The following GFRAL variants were observed in gnomAD, a reference collection of about 807,000 sequenced individuals.
GFRAL encodes the protein GDNF family receptor alpha like, also known as GDNF family receptor alpha-like.
GFRAL carries 36 observed loss-of-function variants against 45.4 expected under a neutral mutation model. The observed-to-expected ratio is 0.79, with a 90% CI of 0.61 to 1.05. The LOEUF (loss-of-function observed/expected upper bound fraction) is 1.05. GFRAL is among the 50% of genes least tolerant of loss of function. GFRAL has a pLI of 0.00. For synonymous variants in GFRAL, 166 were observed against 154.1 expected (o/e 1.08, Z -0.57); for missense variants, 507 against 467.5 (o/e 1.08, Z -0.78).
intron 6 of GFRAL, among the ~76,000 whole-genome samples, chr6:55,367,964 A>T (rs1404252378): frequency 6.9e-6 from 1 of 144,634 alleles, no homozygotes; most frequent in Non-Finnish European, 1.5e-5. Context: ...CGTTCTCTGT[A>T]TTTCCTGAAT....
Position 55,329,041 on chromosome 6 carries a change from T to G in GFRAL, c.22+1465T>G, listed in dbSNP as rs143926252. Among the ~76,000 whole-genome samples the G allele has an allele frequency of 9.2e-5, 14 of 152,198 alleles. No homozygotes were observed. In the East Asian group the frequency reaches 2.7e-3, roughly 29 times the overall value. On this transcript the variant is annotated intron_variant, in intron 1 of 8. Transcript: ENST00000340465. ...ATATAATTTGCAGCATTATCCATCT[T>G]ATTAATTTAAAAATAGAAGTTATTT...
intron 5 of GFRAL, among the ~76,000 whole-genome samples, chr6:55,352,758 T>C (rs1305792303): frequency 6.6e-6 from 1 of 152,042 alleles, no homozygotes; most frequent in Non-Finnish European, 1.5e-5. Context: ...ATGTATGCTA[T>C]GACCATAGAA....
At chr6:55,330,771 A>G in intron 1 of GFRAL, among the ~76,000 whole-genome samples, 1 of 152,138 alleles carries the variant, frequency 6.6e-6, no homozygotes, top group Non-Finnish European at 1.5e-5. Context: ...CATCAGGTAG[A>G]TTAGGGGTTA....
intron 1 of GFRAL, among the ~76,000 whole-genome samples, chr6:55,330,940 G>C (rs1289129147): frequency 2.0e-5 from 3 of 152,224 alleles, no homozygotes; most frequent in African/African-American, 7.2e-5. Flanking sequence ...ACAAAACCAA[G>C]ATTTCTAGTT....
intron 3 of GFRAL, among the ~76,000 whole-genome samples, chr6:55,344,259 C>A (rs934286319): frequency 3.3e-5 from 5 of 152,186 alleles, no homozygotes; most frequent in Admixed American, 2.6e-4. Context: ...AGACCAATAT[C>A]CCTGATGAAC....
chr6:55,371,836 A>C (rs1260944615), intron 6 of GFRAL, among the ~76,000 whole-genome samples: 1 of 152,220 alleles, frequency 6.6e-6, no homozygotes, highest in African/African-American at 2.4e-5. Context: ...CTATTTGTAC[A>C]AAAAGGAAAA....
At chr6:55,387,010 T>TGCCTACTCTAA (rs1327620654) in intron 6 of GFRAL, among the ~76,000 whole-genome samples, 1 of 152,176 alleles carries the variant, frequency 6.6e-6, no homozygotes, top group Non-Finnish European at 1.5e-5. Context: ...TCTAAAGGCA[T>TGCCTACTCTAA]AGGTGTTGTT....
intron 3 of GFRAL, among the ~76,000 whole-genome samples, chr6:55,347,864 T>C (rs1768064145): frequency 6.6e-6 from 1 of 152,138 alleles, no homozygotes; most frequent in Admixed American, 6.6e-5. Flanking sequence ...ACATACCCTC[T>C]AAAAAAGAAA....
chr6:55,329,528 CAAAT>C (rs1767804674), intron 1 of GFRAL, among the ~76,000 whole-genome samples: 1 of 151,986 alleles, frequency 6.6e-6, no homozygotes, highest in Admixed American at 6.6e-5. Context: ...TTTATGACTT[CAAAT>C]TTCTATTTCT....
intron 5 of GFRAL, among the ~76,000 whole-genome samples, chr6:55,355,769 T>C (rs1322077052): frequency 6.6e-6 from 1 of 151,968 alleles, no homozygotes; most frequent in Non-Finnish European, 1.5e-5. Context: ...TGAATAATAG[T>C]GATGAAAGTA....
At chr6:55,379,574 TACAC>T (rs66953657) in intron 6 of GFRAL, among the ~76,000 whole-genome samples, 25 of 117,888 alleles carry the variant, frequency 2.1e-4, no homozygotes, top group Admixed American at 3.8e-4. Context: ...TGTTTTGAAA[TACAC>T]ACACACACAC....
At chr6:55,368,913 C>T (rs139968086) in intron 6 of GFRAL, among the ~76,000 whole-genome samples, 4,055 of 152,154 alleles carry the variant, frequency 0.027, 186 homozygotes, top group African/African-American at 0.089. Flanking sequence ...GTGCCCTGAC[C>T]CCGGAGGTGG....
intron 6 of GFRAL, among the ~76,000 whole-genome samples, chr6:55,375,176 TA>T (rs2127361634): frequency 6.6e-6 from 1 of 152,278 alleles, no homozygotes; most frequent in Non-Finnish European, 1.5e-5. Context: ...AATGGTAGTT[TA>T]ATGGGAATAG....
intron 6 of GFRAL, among the ~76,000 whole-genome samples, chr6:55,369,116 C>T (rs556036074): frequency 2.6e-5 from 4 of 151,386 alleles, no homozygotes; most frequent in East Asian, 1.9e-4. Context: ...TAGGACCCTC[C>T]GAGCCAGGTG....
At chr6:55,395,781 GAAAAAAAA>G (rs34724941) in intron 6 of GFRAL, among the ~76,000 whole-genome samples, 1 of 137,412 alleles carries the variant, frequency 7.3e-6, no homozygotes, top group African/African-American at 2.7e-5. Flanking sequence ...AAGGATTTTG[GAAAAAAAA>G]AAAAAAGAAA....
Position 55,359,220 on chromosome 6 carries a change from A to G in GFRAL, c.952+82A>G, listed in dbSNP as rs1768241152. ...ATCTATCTATTTTGTTTTTGCCTATACAGTAAAAGAGGTAATCCAGCACAG... is the reference window on the plus strand; with the variant it reads ...ATCTATCTATTTTGTTTTTGCCTATGCAGTAAAAGAGGTAATCCAGCACAG... On this transcript the variant is annotated intron_variant, in intron 6 of 8. Coordinates refer to ENST00000340465, the MANE Select transcript of GFRAL (RefSeq NM_207410.2). 2.6e-6 allele frequency: 3 copies of G among 1,132,082 alleles called. No individual in the cohort carries two copies. In the East Asian group the frequency reaches 7.4e-5, roughly 28 times the overall value. 70.1% of individuals were successfully genotyped at this position (1,132,082 alleles called of 1,614,324 possible).
Position 55,351,447 on chromosome 6 carries a change from T to G in GFRAL, c.565T>G (p.Cys189Gly). 6.2e-7 allele frequency: 1 copy of G among 1,613,716 alleles called. No individual in the cohort carries two copies. Among genetic ancestry groups the G allele is most frequent in the Non-Finnish European group, 8.5e-7 (1 of 1,179,762 alleles). ...PFNIAQMLAF[C>G]DCAQSDIPCQ... Reference sequence around the variant, plus strand: ...TAACATTGCCCAGATGTTGGCTTTTTGTGACTGTGCTCAATCTGATATACC... The same window carrying G: ...TAACATTGCCCAGATGTTGGCTTTTGGTGACTGTGCTCAATCTGATATACC... Residue 189 changes from cysteine to glycine, a missense_variant, in exon 5 of 9, where the codon TGT becomes GGT. Physicochemically the swap from Cys to Gly is radical, Grantham distance 159 (BLOSUM62 -3). Coordinates refer to ENST00000340465, the MANE Select transcript of GFRAL (RefSeq NM_207410.2).
At chr6:55,363,859 C>G (rs2127358602) in intron 6 of GFRAL, among the ~76,000 whole-genome samples, 1 of 151,416 alleles carries the variant, frequency 6.6e-6, no homozygotes, top group African/African-American at 2.4e-5. Context: ...TGGGTTGGTT[C>G]CAAGTCTTTG....
chr6:55,355,966 A>C (rs913038176), intron 5 of GFRAL, among the ~76,000 whole-genome samples: 2 of 152,002 alleles, frequency 1.3e-5, no homozygotes, highest in South Asian at 4.1e-4. Context: ...ATGCTTTTTC[A>C]GCATCAATTG....
Sources: gnomAD v4.1 joint callset for allele counts (sites outside exome capture counted in the v4.1 genomes callset) on GRCh38, gnomAD v4.1.1 for gene constraint, MANE v1.5 for transcripts, NCBI Gene and HGNC (gene_info 2026-07-23, HGNC 2026-07-21) for gene names.